The following NDUFAF6 variants were observed in gnomAD, a reference collection of about 807,000 sequenced individuals.
The protein encoded by NDUFAF6 is NADH dehydrogenase (ubiquinone) complex I, assembly factor 6.
A neutral mutation model predicts 40.8 loss-of-function variants in NDUFAF6; 45 were observed. The observed-to-expected ratio is 1.10, with a 90% CI of 0.87 to 1.42. NDUFAF6 has a LOEUF of 1.42. Among genes scored for constraint, NDUFAF6 ranks in the 40% most tolerant of loss-of-function variants. The pLI, the probability that NDUFAF6 is intolerant of heterozygous loss-of-function variation, is 0.00. For synonymous variants in NDUFAF6, 185 were observed against 155.9 expected, an observed-to-expected ratio of 1.19 and a Z score of -1.39; for missense variants, 435 against 418.5, an observed-to-expected ratio of 1.04 and a Z score of -0.34.
At chr8:94,897,393 C>A (rs1563690420) in intron 1 of NDUFAF6, among the ~76,000 whole-genome samples, 1 of 152,124 alleles carries the variant, frequency 6.6e-6, no homozygotes, top group African/African-American at 2.4e-5. Flanking sequence ...ATTACAGATA[C>A]CTGGTCAATA....
intron 2 of NDUFAF6, among the ~76,000 whole-genome samples, chr8:95,094,074 G>A (rs528041254): frequency 4.0e-5 from 6 of 151,346 alleles, no homozygotes; most frequent in Admixed American, 1.3e-4. Flanking sequence ...GGGTTCAAGC[G>A]ATTCTCCTGC....
chr8:94,961,974 C>T (rs913650321), intron 1 of NDUFAF6, among the ~76,000 whole-genome samples: 1 of 152,166 alleles, frequency 6.6e-6, no homozygotes, highest in Non-Finnish European at 1.5e-5. Flanking sequence ...GAGTGAGGCC[C>T]AAGAATTTTC....
chr8:95,060,212 T>G (rs1220263730), downstream of NDUFAF6, among the ~76,000 whole-genome samples: 2 of 152,228 alleles, frequency 1.3e-5, no homozygotes, highest in South Asian at 4.1e-4. Context: ...AAATTTACTG[T>G]ACTATTAATT....
chr8:95,035,717 A>T, intron 3 of NDUFAF6, 141 bp downstream of exon 3: 1 of 818,830 alleles, frequency 1.2e-6, no homozygotes, highest in Non-Finnish European at 1.9e-6. Flanking sequence ...GAGCTGTTAT[A>T]GTTTTGGCAC....
chr8:95,017,440 A>G (rs1827509725), intron 2 of NDUFAF6, among the ~76,000 whole-genome samples: 1 of 152,188 alleles, frequency 6.6e-6, no homozygotes, highest in Non-Finnish European at 1.5e-5. Flanking sequence ...ACTAGAAGCC[A>G]GAAGTCATGA....
chr8:94,926,914 G>A (rs1160173985), intron 1 of NDUFAF6: 1 of 152,198 alleles, frequency 6.6e-6, no homozygotes, highest in Admixed American at 6.5e-5. Flanking sequence ...AGATAGGGAT[G>A]CCATTTCTAA....
downstream of NDUFAF6, among the ~76,000 whole-genome samples, chr8:95,108,399 TGC>T (rs1809902711): frequency 2.6e-5 from 4 of 152,186 alleles, no homozygotes; most frequent in Non-Finnish European, 5.9e-5. Context: ...TTCTGATACA[TGC>T]CATATTATGC....
chr8:94,925,778 G>A (rs573248953), intron 1 of NDUFAF6, among the ~76,000 whole-genome samples: 3 of 152,234 alleles, frequency 2.0e-5, no homozygotes, highest in African/African-American at 4.8e-5. Context: ...GGCCTCAAGC[G>A]ATGTGCCTGC....
intron 2 of NDUFAF6, among the ~76,000 whole-genome samples, chr8:95,034,495 C>T (rs1829245124): frequency 6.6e-6 from 1 of 152,128 alleles, no homozygotes; most frequent in Non-Finnish European, 1.5e-5. Flanking sequence ...TCTCTTTAGC[C>T]TCCTTTATTC....
chr8:95,006,754 C>T (rs1377808672), intron 2 of NDUFAF6, among the ~76,000 whole-genome samples: 1 of 151,970 alleles, frequency 6.6e-6, no homozygotes, highest in East Asian at 1.9e-4. Flanking sequence ...GTGGTGCACG[C>T]CTGCATTCCC....
upstream of NDUFAF6, among the ~76,000 whole-genome samples, chr8:95,020,561 GCCACACCAGC>G (rs1367353918): frequency 1.3e-5 from 2 of 152,146 alleles, no homozygotes; most frequent in Non-Finnish European, 2.9e-5. Context: ...CAGAGACAAT[GCCACACCAGC>G]CCACACCAGC....
chr8:95,090,565 G>A (rs926132121), intron 2 of NDUFAF6, among the ~76,000 whole-genome samples: 2 of 152,016 alleles, frequency 1.3e-5, no homozygotes, highest in African/African-American at 2.4e-5. Flanking sequence ...GTCATGGTTC[G>A]CCCATTTCCT....
intron 2 of NDUFAF6, among the ~76,000 whole-genome samples, chr8:94,993,418 C>A (rs1002375461): frequency 6.6e-6 from 1 of 152,224 alleles, no homozygotes; most frequent in African/African-American, 2.4e-5. Context: ...TCTCTTTCTT[C>A]ACTTCCTAAG....
chr8:95,089,986 C>T (rs1809195752), intron 2 of NDUFAF6, among the ~76,000 whole-genome samples: 1 of 152,174 alleles, frequency 6.6e-6, no homozygotes, highest in African/African-American at 2.4e-5. Flanking sequence ...GGGTCCTCTA[C>T]CCCAGGTCCT....
At chr8:94,992,701 A>G (rs1010436711) in intron 2 of NDUFAF6, among the ~76,000 whole-genome samples, 7 of 152,184 alleles carry the variant, frequency 4.6e-5, no homozygotes, top group African/African-American at 1.7e-4. Flanking sequence ...TGAGATATCT[A>G]AAGATCTATT....
At chr8:95,028,436 G>A in intron 1 of NDUFAF6, among the ~76,000 whole-genome samples, 1 of 152,200 alleles carries the variant, frequency 6.6e-6, no homozygotes, top group Non-Finnish European at 1.5e-5. Context: ...AAGTGATGAA[G>A]AAATGGCTAA....
chr8:94,985,467 T>TTATATATATATA (rs71510481), intron 2 of NDUFAF6, among the ~76,000 whole-genome samples: 11 of 28,602 alleles, frequency 3.8e-4, no homozygotes, highest in Admixed American at 7.1e-4. Context: ...AAAACAATAA[T>TTATATATATATA]TATATATATA....
At chr8:95,082,000 C>G (rs1249591950) in intron 2 of NDUFAF6, among the ~76,000 whole-genome samples, 2 of 152,074 alleles carry the variant, frequency 1.3e-5, no homozygotes, top group Non-Finnish European at 2.9e-5. Context: ...GGAGGCGGAG[C>G]TTGCAGTGAG....
chr8:95,003,575 C>T (rs550284290), intron 2 of NDUFAF6, among the ~76,000 whole-genome samples: 40 of 152,300 alleles, frequency 2.6e-4, no homozygotes, highest in African/African-American at 9.6e-4. Context: ...AACAGAGACT[C>T]AGCCACATTT....
Sources: gnomAD v4.1 joint callset for allele counts (sites outside exome capture counted in the v4.1 genomes callset) on GRCh38, gnomAD v4.1.1 for gene constraint, MANE v1.5 for transcripts, NCBI Gene and HGNC (gene_info 2026-07-23, HGNC 2026-07-21) for gene names.